KIF5C: variants seen among roughly 807,000 people sequenced by gnomAD.
The protein encoded by KIF5C is kinesin heavy chain isoform 5C.
In KIF5C, 18 loss-of-function variants were observed where a neutral mutation model predicts 125.2. The observed-to-expected ratio is 0.14, with a 90% CI of 0.10 to 0.21. The LOEUF is 0.21. Among genes scored for constraint, KIF5C ranks in the 10% least tolerant of loss-of-function variants. The probability of loss-of-function intolerance (pLI) is 1.00; values close to 1 mark genes in which losing one functional copy is unlikely to be tolerated. For missense variants in KIF5C, 780 were observed against 1,183.8 expected (o/e 0.66, Z 5.01); for synonymous variants, 405 against 434.0 (o/e 0.93, Z 0.83).
At position 148,959,930 on chromosome 2, in the gene KIF5C, C is replaced by A. The variant is rs12622829; in HGVS notation, c.969-2041C>A. ...CTACCAGGCAATCTTTTCCTTCTAG[C>A]CTTCTCTCTCTGGCTCCCCTTCAGC... On this transcript the variant is annotated intron_variant, in intron 10 of 25. Coordinates refer to ENST00000435030, the MANE Select transcript of KIF5C (RefSeq NM_004522.3). Among the ~76,000 whole-genome samples, 227 of 152,308 alleles carry A rather than the reference C, an allele frequency of 1.5e-3. 9 individuals are homozygous for A. In the East Asian group the frequency reaches 0.043, roughly 29 times the overall value.
chr2:148,927,485 GGT>G (rs368235008), intron 2 of KIF5C, among the ~76,000 whole-genome samples: 38,842 of 148,998 alleles, frequency 0.26, 5,143 homozygotes, highest in East Asian at 0.33. Context: ...GCCCTTTCAG[GGT>G]GTGTGTGTGT....
intron 1 of KIF5C, among the ~76,000 whole-genome samples, chr2:148,905,238 A>G (rs1681060102): frequency 6.6e-6 from 1 of 152,240 alleles, no homozygotes; most frequent in Admixed American, 6.5e-5. Flanking sequence ...TGGTTATGAC[A>G]AAAATTGTGA....
intron 1 of KIF5C, among the ~76,000 whole-genome samples, chr2:148,909,225 C>T (rs1467359144): frequency 6.6e-6 from 1 of 152,210 alleles, no homozygotes; most frequent in Non-Finnish European, 1.5e-5. Flanking sequence ...AATACATCAG[C>T]CCACTTTCCA....
At chr2:148,905,614 A>G (rs1681074011) in intron 1 of KIF5C, among the ~76,000 whole-genome samples, 1 of 152,164 alleles carries the variant, frequency 6.6e-6, no homozygotes, top group Non-Finnish European at 1.5e-5. Flanking sequence ...AGCAAGGTCG[A>G]TGGCAGGTTT....
At position 148,962,034 on chromosome 2, in the gene KIF5C, G is replaced by T; in HGVS notation, c.1032G>T (p.Lys344Asn). The T allele has an allele frequency of 6.2e-7, 1 of 1,613,888 alleles. No individual in the cohort carries two copies. The highest frequency in any genetic ancestry group is 8.5e-7 in the Non-Finnish European group (1 of 1,179,862). The stretch of plus-strand genomic sequence containing the variant: ...AACTGACAGCAGAAGAATGGAAGAA[G>T]AAATATGAAAAAGAGAAAGAGAAAA... Reference protein sequence around the residue: ...NLELTAEEWKKKYEKEKEKNK... With the variant: ...NLELTAEEWKNKYEKEKEKNK... Residue 344 changes from lysine to asparagine, a missense_variant, in exon 11 of 26, where the codon AAG becomes AAT. This residue lies in a region of KIF5C where 207 missense variants were observed against 441.2 expected (regional missense o/e 0.47). Coordinates refer to ENST00000435030, the MANE Select transcript of KIF5C (RefSeq NM_004522.3).
rs543363121 is a variant in KIF5C at position 148,907,368 on chromosome 2, C to T, written c.127-14769C>T. On this transcript the variant is annotated intron_variant, in intron 1 of 25. Coordinates refer to ENST00000435030, the MANE Select transcript of KIF5C (RefSeq NM_004522.3). ...TCTCCATTGTGAAGCACATGGGCTC[C>T]AGACGCAGTGGCATTAATGCACCCA... is the stretch of plus-strand genomic sequence containing the variant. Among the ~76,000 whole-genome samples, 8 of 152,368 alleles carry T rather than the reference C, an allele frequency of 5.3e-5. No individual in the cohort carries two copies. In the East Asian group the frequency reaches 1.5e-3, roughly 29 times the overall value.
At chr2:148,916,517 G>A (rs1224688405) in intron 1 of KIF5C, among the ~76,000 whole-genome samples, 1 of 152,094 alleles carries the variant, frequency 6.6e-6, no homozygotes, top group Non-Finnish European at 1.5e-5. Context: ...ATAATAGGAT[G>A]TCAAGTTCCT....
intron 1 of KIF5C, chr2:148,878,616 A>G (rs978095281): frequency 1.3e-5 from 2 of 152,250 alleles, no homozygotes; most frequent in African/African-American, 4.8e-5. Flanking sequence ...CCCATTCCTA[A>G]TTGATAATGT....
chr2:148,936,687 A>G (rs1682299832), intron 3 of KIF5C, among the ~76,000 whole-genome samples: 1 of 152,248 alleles, frequency 6.6e-6, no homozygotes, highest in Admixed American at 6.5e-5. Context: ...GGATTTAGGT[A>G]TTAGAAACAG....
rs368581365 is a variant in KIF5C at position 148,969,192 on chromosome 2, G to T, written c.1118-4144G>T. Among the ~76,000 whole-genome samples the T allele has an allele frequency of 2.6e-5, 4 of 151,956 alleles. No homozygotes were observed. The East Asian group carries it at 5.8e-4, about 22-fold the overall frequency. Reference sequence around the variant, plus strand: ...TTTAATAGCCCTAATGAGAATTTTTGATTAGTGTGTCATTCTCATCTGTTG... The same window carrying T: ...TTTAATAGCCCTAATGAGAATTTTTTATTAGTGTGTCATTCTCATCTGTTG... On this transcript the variant is annotated intron_variant, in intron 11 of 25. Transcript: ENST00000435030.
intron 3 of KIF5C, 133 bp from the exon 4 acceptor site, chr2:148,937,151 G>A (rs1574767566): frequency 1.5e-6 from 2 of 1,312,860 alleles, no homozygotes; most frequent in East Asian, 5.3e-5. Flanking sequence ...GATGCCCAAG[G>A]GAGCTGGCAG....
chr2:148,957,485 A>G (rs1036689314), intron 10 of KIF5C, among the ~76,000 whole-genome samples: 1 of 151,478 alleles, frequency 6.6e-6, no homozygotes, highest in South Asian at 2.1e-4. Context: ...TAGATATTCT[A>G]TATCCTTTTA....
At chr2:149,004,688 T>A (rs1449887895) in intron 21 of KIF5C, among the ~76,000 whole-genome samples, 1 of 152,172 alleles carries the variant, frequency 6.6e-6, no homozygotes, top group Non-Finnish European at 1.5e-5. Context: ...TTCATACTAG[T>A]CATCTTTATT....
At chr2:149,009,453 C>T (rs1053102205) in intron 23 of KIF5C, among the ~76,000 whole-genome samples, 2 of 152,194 alleles carry the variant, frequency 1.3e-5, no homozygotes, top group Middle Eastern at 3.4e-3. Flanking sequence ...CATCTGGGTC[C>T]CCTATTATGT....
intron 1 of KIF5C, among the ~76,000 whole-genome samples, chr2:148,915,822 G>A (rs994732065): frequency 4.6e-5 from 7 of 152,214 alleles, no homozygotes; most frequent in South Asian, 2.1e-4. Context: ...GCGCCATCAC[G>A]TGAGTTCCCA....
At chr2:149,013,502 C>G (rs978283411) in intron 25 of KIF5C, among the ~76,000 whole-genome samples, 2 of 152,152 alleles carry the variant, frequency 1.3e-5, no homozygotes, top group Non-Finnish European at 2.9e-5. Flanking sequence ...ACATCACTAC[C>G]CCAAAGAAAG....
intron 12 of KIF5C, among the ~76,000 whole-genome samples, chr2:148,975,619 C>T (rs867042417): frequency 4.6e-5 from 7 of 152,318 alleles, no homozygotes; most frequent in Admixed American, 3.3e-4. Flanking sequence ...AAAGACCACA[C>T]GGTTTCCTCC....
rs916193595 is a variant in KIF5C at position 148,983,232 on chromosome 2, A to G, written c.1570-388A>G. On this transcript the variant is annotated intron_variant, in intron 14 of 25. Transcript: ENST00000435030. The stretch of plus-strand genomic sequence containing the variant: ...GGCCCAGGGAGCAGGTTTGTTTAGG[A>G]GTGAAGGTGGGGACCCTTGCAGGTA... 3.9e-5 allele frequency among the ~76,000 whole-genome samples: 6 copies of G among 152,144 alleles called. No homozygotes were observed. In the East Asian group the frequency reaches 1.2e-3, roughly 29 times the overall value.
intron 3 of KIF5C, among the ~76,000 whole-genome samples, chr2:148,930,599 AGAG>A (rs1682155797): frequency 6.6e-6 from 1 of 152,142 alleles, no homozygotes; most frequent in Non-Finnish European, 1.5e-5. Flanking sequence ...TTCCTATTGA[AGAG>A]GAGATTTCAA....
Sources: gnomAD v4.1 joint callset for allele counts (sites outside exome capture counted in the v4.1 genomes callset) on GRCh38, gnomAD v4.1.1 for gene constraint, gnomAD v4.1.1 regional missense constraint, MANE v1.5 for transcripts, NCBI Gene and HGNC (gene_info 2026-07-23, HGNC 2026-07-21) for gene names.